The following MYCBP2 variants were observed in gnomAD, a reference collection of about 807,000 sequenced individuals.
The protein encoded by MYCBP2 is E3 ubiquitin-protein ligase MYCBP2.
Under a neutral mutation model 525.3 loss-of-function variants are expected in MYCBP2, and 120 were observed. That is an observed-to-expected ratio of 0.23 (90% CI 0.20 to 0.27). The LOEUF is 0.27. MYCBP2 is among the 10% of genes least tolerant of loss of function. The pLI, the probability that MYCBP2 is intolerant of heterozygous loss-of-function variation, is 1.00. For missense variants in MYCBP2, 4,149 were observed against 5,657.1 expected (o/e 0.73, Z 8.55); for synonymous variants, 1,894 against 1,955.8 (o/e 0.97, Z 0.83).
intron 14 of MYCBP2, among the ~76,000 whole-genome samples, chr13:77,254,914 C>A (rs74400649): frequency 0.044 from 6,742 of 151,944 alleles, 508 homozygotes; most frequent in African/African-American, 0.15. Context: ...ATCCATGTTT[C>A]TGCAAATAAC....
intron 68 of MYCBP2, among the ~76,000 whole-genome samples, chr13:77,074,007 C>CT (rs1555308485): frequency 7.1e-6 from 1 of 140,472 alleles, no homozygotes; most frequent in African/African-American, 2.6e-5. Context: ...CCACCGCCCC[C>CT]CCCCCTTTTT....
chr13:77,153,172 C>T (rs1347844050), intron 46 of MYCBP2, among the ~76,000 whole-genome samples: 1 of 151,820 alleles, frequency 6.6e-6, no homozygotes, highest in Non-Finnish European at 1.5e-5. Flanking sequence ...ATTCAGGACA[C>T]ACTGGGTGCA....
chr13:77,097,598 T>G lies in MYCBP2; in HGVS notation c.9556A>C (p.Ser3186Arg), dbSNP rs989227303. 6.2e-7 allele frequency: 1 copy of G among 1,613,608 alleles called. No homozygotes were observed. Among genetic ancestry groups the G allele is most frequent in the Non-Finnish European group, 8.5e-7 (1 of 1,179,768 alleles). ...TTAAGAACTGCACAGGAACCAGGAC[T>G]TGGAAAAATCATATTCTGGGAAGCA... The part of the protein sequence containing the change: ...KAASQNMIFP[S>R]PGSCAVLKKK... Residue 3186 changes from serine to arginine, a missense_variant, in exon 56 of 83, where the codon AGT becomes CGT. By Grantham distance (110) the Ser-to-Arg change is moderately radical (BLOSUM62 -1). Coordinates refer to ENST00000544440, the MANE Select transcript of MYCBP2 (RefSeq NM_015057.5).
At position 77,055,714 on chromosome 13, in the gene MYCBP2, G is replaced by C. The variant is rs888438484; in HGVS notation, c.13491C>G (p.Leu4497=). 8.7e-6 allele frequency: 14 copies of C among 1,613,900 alleles called. No homozygotes were observed. Among genetic ancestry groups the C allele is most frequent in the Non-Finnish European group, 1.2e-5 (14 of 1,179,934 alleles). The part of the protein sequence containing the change: ...LKDLLDPIKE[L]YEDVRRKALM... ...AGGCTTTTCTTCTGACATCCTCATA[G>C]AGTTCTTTTATTGGATCAAGTAGGT... Residue 4497 remains leucine (L), a synonymous_variant, in exon 80 of 83, where the codon CTC becomes CTG. Coordinates refer to ENST00000544440, the MANE Select transcript of MYCBP2 (RefSeq NM_015057.5).
Position 77,097,565 on chromosome 13 carries a change from CTTTCTT to C in MYCBP2, c.9583_9588del (p.Lys3195_Lys3196del), listed in dbSNP as rs769840152. ...GACTTCTTATTCTCTTTCTCACACT[CTTTCTT>C]TTTAAGAACTGCACAGGAACCAGGA... On this transcript the variant is annotated inframe_deletion, in exon 56 of 83. Coordinates refer to ENST00000544440, the MANE Select transcript of MYCBP2 (RefSeq NM_015057.5). The C allele has an allele frequency of 3.7e-6, 6 of 1,613,098 alleles. No homozygotes were observed. The highest frequency in any genetic ancestry group is 1.7e-4 in the Middle Eastern group (1 of 6,058).
chr13:77,081,503 T>C lies in MYCBP2; in HGVS notation c.11342A>G (p.Asn3781Ser), dbSNP rs755280923. ...TCCTTTTACACAGTTGATGGTGATG[T>C]TCTTAGTTTTGTTTTTATCTTCATC... ...SGDEDKNKTK[N>S]ITINCVKGIN... The change falls in exon 65 of 83, where the codon AAC becomes AGC. Residue 3781 changes from asparagine to serine, a missense_variant. Asn to Ser is a conservative substitution (Grantham distance 46). This residue lies in a region of MYCBP2 where 509 missense variants were observed against 789.4 expected (regional missense o/e 0.64). Coordinates refer to ENST00000544440, the MANE Select transcript of MYCBP2 (RefSeq NM_015057.5). The surrounding 1 kb of genome is among the most constrained non-coding windows in gnomAD (Gnocchi z 4.6). 6.2e-7 allele frequency: 1 copy of C among 1,613,464 alleles called. No individual in the cohort carries two copies. The highest frequency in any genetic ancestry group is 1.1e-5 in the South Asian group (1 of 91,058).
chr13:77,316,769 T>A lies in MYCBP2; in HGVS notation c.302+9705A>T, dbSNP rs536632310. 2.2e-4 allele frequency among the ~76,000 whole-genome samples: 32 copies of A among 144,770 alleles called. No individual in the cohort carries two copies. The South Asian group carries it at 6.8e-3, about 31-fold the overall frequency. 95.0% of individuals were successfully genotyped at this position (144,770 alleles called of 152,430 possible). On this transcript the variant is annotated intron_variant, in intron 1 of 82. Transcript: ENST00000544440. ...CTGTTGGTCCAGGTGGCTGACTTCA[T>A]GGGGTGGTCACTGGGCCTTTCTCGT...
chr13:77,164,624 G>C, intron 42 of MYCBP2, 83 bp from the exon 43 acceptor site: 1 of 858,856 alleles, frequency 1.2e-6, no homozygotes, highest in South Asian at 1.4e-5. Flanking sequence ...TTGAATTCAA[G>C]CATTACTTTT....
At position 77,261,438 on chromosome 13, in the gene MYCBP2, T is replaced by G. The variant is rs2073259118; in HGVS notation, c.1648-63A>C. On this transcript the variant is annotated intron_variant, in intron 11 of 82. Coordinates refer to ENST00000544440, the MANE Select transcript of MYCBP2 (RefSeq NM_015057.5). ...TTGGAATAGTGCATCAGGTTTCACA[T>G]GAGGAAAAAAAAGGACATCAATATT... The G allele has an allele frequency of 2.5e-6, 3 of 1,200,446 alleles. No individual in the cohort carries two copies. The South Asian group carries it at 4.7e-5, about 19-fold the overall frequency. 74.4% of individuals were successfully genotyped at this position (1,200,446 alleles called of 1,614,324 possible).
chr13:77,203,727 T>C (rs2062924046), intron 26 of MYCBP2, among the ~76,000 whole-genome samples: 1 of 152,096 alleles, frequency 6.6e-6, no homozygotes, highest in Non-Finnish European at 1.5e-5. Context: ...AACAGAGCCC[T>C]CAGAAATAAT....
intron 3 of MYCBP2, among the ~76,000 whole-genome samples, chr13:77,285,840 A>G (rs1278209897): frequency 6.6e-6 from 1 of 150,548 alleles, no homozygotes; most frequent in South Asian, 2.1e-4. Flanking sequence ...AAGGGAAAAG[A>G]AAAAAGGAGA....
intron 26 of MYCBP2, among the ~76,000 whole-genome samples, chr13:77,198,788 T>C (rs2062052791): frequency 6.6e-6 from 1 of 152,172 alleles, no homozygotes; most frequent in African/African-American, 2.4e-5. Flanking sequence ...AGATGTCTGT[T>C]TACATACTAC....
chr13:77,120,019 T>C (rs768964229), intron 55 of MYCBP2, among the ~76,000 whole-genome samples: 1 of 152,240 alleles, frequency 6.6e-6, no homozygotes, highest in Non-Finnish European at 1.5e-5. Flanking sequence ...ATTTTAATGA[T>C]ATTTTAATAA....
At chr13:77,141,073 G>A in intron 49 of MYCBP2, 130 bp from the exon 50 acceptor site, 1 of 639,222 alleles carries the variant, frequency 1.6e-6, no homozygotes. Flanking sequence ...GTCCTTTTAA[G>A]GTGATGGATA....
chr13:77,156,575 C>T (rs767220306), intron 45 of MYCBP2, among the ~76,000 whole-genome samples: 7 of 152,208 alleles, frequency 4.6e-5, no homozygotes, highest in Non-Finnish European at 8.8e-5. Flanking sequence ...CCTTACTCTG[C>T]CATCCTGCAA....
chr13:77,297,125 C>A (rs932256588), intron 1 of MYCBP2, among the ~76,000 whole-genome samples: 4 of 152,156 alleles, frequency 2.6e-5, no homozygotes, highest in Non-Finnish European at 5.9e-5. Context: ...TACTTTATGT[C>A]TCCAGCAGCC....
chr13:77,119,841 C>T (rs2050384090), intron 55 of MYCBP2, among the ~76,000 whole-genome samples: 1 of 152,186 alleles, frequency 6.6e-6, no homozygotes, highest in African/African-American at 2.4e-5. Context: ...CCTGTTGCCT[C>T]AGCTTCCCAG....
intron 13 of MYCBP2, 30 bp from the exon 14 acceptor site, chr13:77,257,859 C>G: frequency 1.9e-6 from 3 of 1,574,656 alleles, no homozygotes; most frequent in Non-Finnish European, 2.6e-6. Context: ...TTAGTAAAAA[C>G]AACAAAAAGG....
chr13:77,135,689 T>C (rs369183826), intron 52 of MYCBP2, among the ~76,000 whole-genome samples: 1 of 152,212 alleles, frequency 6.6e-6, no homozygotes, highest in Non-Finnish European at 1.5e-5. Context: ...ACCCAAAACA[T>C]AAATCCTTAT....
Sources: allele counts gnomAD v4.1 joint callset (sites outside exome capture counted in the v4.1 genomes callset), GRCh38; gene constraint gnomAD v4.1.1; regional missense constraint gnomAD v4.1.1; non-coding constraint Gnocchi (gnomAD v3.1); transcripts MANE v1.5; gene names NCBI Gene and HGNC (gene_info 2026-07-23, HGNC 2026-07-21).